EYS: variants seen among roughly 807,000 people sequenced by gnomAD.
EYS encodes protein eyes shut homolog.
In EYS, 250 loss-of-function variants were observed where a neutral mutation model predicts 282.1. The ratio of observed to expected loss-of-function variants is 0.89; its 90% CI spans 0.80 to 0.98. The LOEUF (loss-of-function observed/expected upper bound fraction) is 0.98. Among genes scored for constraint, EYS ranks in the 50% least tolerant of loss-of-function variants. The probability of loss-of-function intolerance (pLI) is 0.00; values close to 1 mark genes in which losing one functional copy is unlikely to be tolerated. For synonymous variants in EYS, 1,355 were observed against 1,282.9 expected, an observed-to-expected ratio of 1.06 and a Z score of -1.20; for missense variants, 4,016 against 3,709.0, an observed-to-expected ratio of 1.08 and a Z score of -2.15.
chr6:65,464,411 T>C (rs1457885522), intron 5 of EYS, among the ~76,000 whole-genome samples: 1 of 152,184 alleles, frequency 6.6e-6, no homozygotes, highest in African/African-American at 2.4e-5. Flanking sequence ...TTGTAGTGCA[T>C]GATAAGATAT....
At chr6:65,048,907 C>T (rs1773184837) in intron 13 of EYS, among the ~76,000 whole-genome samples, 1 of 151,774 alleles carries the variant, frequency 6.6e-6, no homozygotes, top group Non-Finnish European at 1.5e-5. Flanking sequence ...GTTTCCATAC[C>T]TCTACAATAG....
intron 12 of EYS, among the ~76,000 whole-genome samples, chr6:65,256,049 G>A (rs1012975638): frequency 3.3e-5 from 5 of 151,856 alleles, no homozygotes; most frequent in Admixed American, 6.6e-5. Flanking sequence ...CTGCATTCCC[G>A]TGCTGCTTGC....
intron 28 of EYS, among the ~76,000 whole-genome samples, chr6:64,428,276 C>T (rs1774471922): frequency 6.6e-6 from 1 of 151,998 alleles, no homozygotes. Flanking sequence ...TTTTTCATCT[C>T]TGTTTTCTTA....
chr6:64,885,606 G>A (rs1054317662), intron 19 of EYS, among the ~76,000 whole-genome samples: 1 of 151,646 alleles, frequency 6.6e-6, no homozygotes, highest in African/African-American at 2.4e-5. Flanking sequence ...TTTTATAGTT[G>A]AAATTTAATG....
intron 41 of EYS, among the ~76,000 whole-genome samples, chr6:63,734,203 T>C (rs558050150): frequency 5.9e-5 from 9 of 152,242 alleles, no homozygotes; most frequent in African/African-American, 2.2e-4. Flanking sequence ...GGTTCAATTG[T>C]ACCTCCAACC....
rs375478007 is a variant in EYS at position 64,138,199 on chromosome 6, G to A, written c.6425-56197C>T. ...GATGTAAATAGGTGAGCTGTAAGTC[G>A]TAGACGAGGAAGGGTTGACATTAGA... On this transcript the variant is annotated intron_variant, in intron 31 of 42. Transcript: ENST00000503581. Among the ~76,000 whole-genome samples, 16 of 152,300 alleles carry A rather than the reference G, an allele frequency of 1.1e-4. No homozygotes were observed. The South Asian group carries it at 1.5e-3, about 14-fold the overall frequency.
intron 33 of EYS, 123 bp downstream of exon 33, chr6:64,066,215 T>G (rs1582220985): frequency 3.9e-6 from 3 of 767,978 alleles, no homozygotes; most frequent in Non-Finnish European, 6.1e-6. Flanking sequence ...GAGGCGGAGG[T>G]TGTAGTGAGC....
At position 64,315,431 on chromosome 6, in the gene EYS, C is replaced by T. The variant is rs188440331; in HGVS notation, c.6079-8349G>A. 1.6e-4 allele frequency among the ~76,000 whole-genome samples: 25 copies of T among 152,088 alleles called. No individual in the cohort carries two copies. The East Asian group carries it at 4.1e-3, about 25-fold the overall frequency. ...ACTCATTTTATGAGGACAGTATCAT[C>T]CTGATACCAAAACCTGGCAGAGACA... On this transcript the variant is annotated intron_variant, in intron 29 of 42. Coordinates refer to ENST00000503581, the MANE Select transcript of EYS (RefSeq NM_001142800.2).
intron 32 of EYS, among the ~76,000 whole-genome samples, chr6:64,072,884 G>C (rs528517897): frequency 6.6e-5 from 10 of 151,972 alleles, no homozygotes; most frequent in Non-Finnish European, 1.3e-4. Context: ...TTTAGGTCAA[G>C]CTGTTGTGCC....
At chr6:65,478,327 A>G in intron 5 of EYS, among the ~76,000 whole-genome samples, 1 of 152,188 alleles carries the variant, frequency 6.6e-6, no homozygotes, top group East Asian at 1.9e-4. Flanking sequence ...GACATAAATT[A>G]CATAAACACC....
At chr6:65,193,513 T>C (rs770714198) in intron 12 of EYS, among the ~76,000 whole-genome samples, 1 of 151,116 alleles carries the variant, frequency 6.6e-6, no homozygotes, top group South Asian at 2.1e-4. Flanking sequence ...GATGATGCCA[T>C]TTTTTTTTCT....
At chr6:65,489,049 T>A (rs1765922520) in intron 5 of EYS, among the ~76,000 whole-genome samples, 1 of 152,146 alleles carries the variant, frequency 6.6e-6, no homozygotes, top group Admixed American at 6.6e-5. Context: ...GGGAATACCA[T>A]TCAGGACATA....
chr6:64,128,834 C>G (rs1773871593), intron 31 of EYS, among the ~76,000 whole-genome samples: 1 of 152,032 alleles, frequency 6.6e-6, no homozygotes, highest in Non-Finnish European at 1.5e-5. Flanking sequence ...TCATAAGGCA[C>G]AGTAAACAAG....
At chr6:64,740,285 T>C (rs1427177341) in intron 22 of EYS, among the ~76,000 whole-genome samples, 1 of 152,142 alleles carries the variant, frequency 6.6e-6, no homozygotes, top group Admixed American at 6.5e-5. Context: ...ATTTTCAAAT[T>C]ATAAAAAAAA....
At chr6:65,442,839 CATAT>C (rs1368204504) in intron 5 of EYS, among the ~76,000 whole-genome samples, 1 of 101,084 alleles carries the variant, frequency 9.9e-6, no homozygotes, top group African/African-American at 2.7e-5. Flanking sequence ...TATATACATA[CATAT>C]ACACATACAT....
chr6:63,855,955 C>A (rs1261596688), intron 36 of EYS, among the ~76,000 whole-genome samples: 1 of 150,870 alleles, frequency 6.6e-6, no homozygotes, highest in East Asian at 1.9e-4. Context: ...AAAATAACTT[C>A]ACAGTTTTTC....
intron 14 of EYS, among the ~76,000 whole-genome samples, chr6:64,961,784 G>C (rs1305627780): frequency 6.6e-6 from 1 of 151,876 alleles, no homozygotes; most frequent in Non-Finnish European, 1.5e-5. Context: ...CTTCTGTTTT[G>C]AGCCCTTATG....
chr6:63,737,757 C>T (rs917507670), intron 41 of EYS, among the ~76,000 whole-genome samples: 2 of 151,296 alleles, frequency 1.3e-5, no homozygotes, highest in Non-Finnish European at 2.9e-5. Flanking sequence ...AAGTGAAGAG[C>T]TTCTGCACAG....
chr6:65,083,364 T>G (rs1774277827), intron 12 of EYS, among the ~76,000 whole-genome samples: 1 of 152,010 alleles, frequency 6.6e-6, no homozygotes, highest in Admixed American at 6.6e-5. Context: ...CTAGAATTTA[T>G]ATCTCCTAAA....
Sources: allele counts gnomAD v4.1 joint callset (sites outside exome capture counted in the v4.1 genomes callset), GRCh38; gene constraint gnomAD v4.1.1; transcripts MANE v1.5; gene names NCBI Gene and HGNC (gene_info 2026-07-23, HGNC 2026-07-21).